FAM186A: variants seen among roughly 807,000 people sequenced by gnomAD.
FAM186A encodes family with sequence similarity 186 member A, also known as protein FAM186A.
FAM186A carries 163 observed loss-of-function variants against 216.8 expected under a neutral mutation model. The observed-to-expected ratio is 0.75, with a 90% confidence interval of 0.66 to 0.86. FAM186A has a LOEUF of 0.86. Among genes scored for constraint, FAM186A ranks in the 40% least tolerant of loss-of-function variants. FAM186A has a pLI of 0.00. For synonymous variants in FAM186A, 805 were observed against 1,025.3 expected (o/e 0.79, Z 4.10); for missense variants, 2,184 against 2,746.2 (o/e 0.80, Z 4.58).
chr12:50,337,197 ATTTTT>A (rs1158231029), intron 4 of FAM186A, among the ~76,000 whole-genome samples: 1 of 146,520 alleles, frequency 6.8e-6, no homozygotes. Context: ...TTTCCTTATC[ATTTTT>A]TCTTATTGAA....
chr12:50,392,445 A>AT (rs1565898896), intron 1 of FAM186A: 1 of 151,264 alleles, frequency 6.6e-6, no homozygotes, highest in African/African-American at 2.4e-5. Context: ...CGCCCGGCTA[A>AT]TTTTTTGTAT....
intron 1 of FAM186A, among the ~76,000 whole-genome samples, chr12:50,376,439 G>A (rs929344018): frequency 1.3e-4 from 20 of 152,180 alleles, no homozygotes; most frequent in African/African-American, 4.8e-4. Flanking sequence ...GGGTAGAGGA[G>A]ACTTGAAGTG....
chr12:50,365,875 G>A, intron 1 of FAM186A: 1 of 762,890 alleles, frequency 1.3e-6, no homozygotes, highest in East Asian at 2.4e-5. Flanking sequence ...CAGGTTTACA[G>A]GAAGAAATAT....
At chr12:50,331,451 A>G (rs577139999) in intron 6 of FAM186A, among the ~76,000 whole-genome samples, 1 of 152,270 alleles carries the variant, frequency 6.6e-6, no homozygotes, top group South Asian at 2.1e-4. Flanking sequence ...CATGTTAGTC[A>G]GGCTGGTCTT....
At chr12:50,368,267 G>C (rs1333598836) in intron 1 of FAM186A, among the ~76,000 whole-genome samples, 1 of 151,960 alleles carries the variant, frequency 6.6e-6, no homozygotes, top group Non-Finnish European at 1.5e-5. Context: ...CCAGCATGGT[G>C]GTGGGCATTT....
chr12:50,336,124 CAA>C (rs55946153), intron 4 of FAM186A, among the ~76,000 whole-genome samples: 3 of 133,406 alleles, frequency 2.2e-5, no homozygotes, highest in Non-Finnish European at 3.1e-5. Context: ...GACTCCATCT[CAA>C]AAAAAAAAAA....
chr12:50,353,893 C>G lies in FAM186A; in HGVS notation c.2939G>C (p.Arg980Thr), dbSNP rs1565886292. The change falls in exon 4 of 8, where the codon AGG becomes ACG. Residue 980 changes from arginine (R) to threonine (T), a missense_variant. Around this residue, in one of 7 missense-constraint regions of FAM186A, gnomAD observed 1,132 missense variants for 1,263.4 expected, o/e 0.90. Transcript: ENST00000327337. ...KPERGLEDLE[R>T]QIKTKDQMQM... is the part of the protein sequence containing the mutation. The stretch of plus-strand genomic sequence containing the variant: ...CATCTGATCCTTTGTTTTGATCTGC[C>G]TTTCGAGGTCCTCTAGCCCTCTCTC... The G allele has an allele frequency of 6.4e-7, 1 of 1,551,994 alleles. No individual in the cohort carries two copies. The highest frequency in any genetic ancestry group is 1.4e-5 in the African/African-American group (1 of 72,990).
intron 5 of FAM186A, among the ~76,000 whole-genome samples, chr12:50,332,263 A>G (rs1834858340): frequency 6.6e-6 from 1 of 152,246 alleles, no homozygotes; most frequent in South Asian, 2.1e-4. Context: ...TTTTCCATAT[A>G]TTAGCTGATT....
chr12:50,342,382 C>A (rs1312125941), intron 4 of FAM186A, among the ~76,000 whole-genome samples: 1 of 151,542 alleles, frequency 6.6e-6, no homozygotes, highest in Non-Finnish European at 1.5e-5. Flanking sequence ...GGATTTATGA[C>A]AGGAATGCAA....
Position 50,331,755 on chromosome 12 carries a change from G to A in FAM186A, c.6763C>T (p.Pro2255Ser). 1.9e-6 allele frequency: 3 copies of A among 1,549,968 alleles called. No homozygotes were observed. The highest frequency in any genetic ancestry group is 2.6e-6 in the Non-Finnish European group (3 of 1,146,496). ...TTTTGAACAAATGTGGTAGAGGCAGGTATCTGCTTTTCTTCGATGATTAAG... is the reference window on the plus strand; with the variant it reads ...TTTTGAACAAATGTGGTAGAGGCAGATATCTGCTTTTCTTCGATGATTAAG... ...IPLIIEEKQIPASTTFVQKPF... is the reference protein window; with the variant it reads ...IPLIIEEKQISASTTFVQKPF... The change falls in exon 6 of 8, where the codon CCT becomes TCT. Residue 2255 changes from proline to serine, a missense_variant. Around this residue, in one of 7 missense-constraint regions of FAM186A, gnomAD observed 721 missense variants for 816.4 expected, o/e 0.88. Transcript: ENST00000327337.
At chr12:50,370,402 G>C (rs1333279180) in intron 1 of FAM186A, among the ~76,000 whole-genome samples, 1 of 152,090 alleles carries the variant, frequency 6.6e-6, no homozygotes, top group African/African-American at 2.4e-5. Flanking sequence ...ATGAAAATAT[G>C]TTCAACGTAA....
rs549188610 is a variant in FAM186A, at chr12:50,355,983, G to T, written c.849C>A (p.Asn283Lys). 2.2e-5 allele frequency: 34 copies of T among 1,551,554 alleles called. No individual in the cohort carries two copies. The East Asian group carries it at 8.1e-4, about 37-fold the overall frequency. The change falls in exon 4 of 8, where the codon AAC becomes AAA. Residue 283 changes from asparagine to lysine, a missense_variant. Asn to Lys is a moderately conservative substitution (Grantham distance 94). Transcript: ENST00000327337. The stretch of plus-strand genomic sequence containing the variant: ...GTGCATACACAGTGGAACTTTGGAA[G>T]TTAACACATTTTAATTCATCATTTA... ...SMLNDELKCV[N>K]FQSSTVYAHE...
rs1198988462 is a variant in FAM186A at position 50,396,495 on chromosome 12, T to C, written c.-11A>G. On this transcript the variant is annotated 5_prime_UTR_variant, in exon 1 of 8. Transcript: ENST00000327337. ...CATTTTGAAGAACATTTTGAAAATG[T>C]GGGTGATTTCGTTTTATTTCTTCTT... The C allele has an allele frequency of 6.5e-7, 1 of 1,532,124 alleles. No homozygotes were observed. Among genetic ancestry groups the C allele is most frequent in the Non-Finnish European group, 8.8e-7 (1 of 1,140,508 alleles). The allele number at this position is 1,532,124 out of a possible 1,614,324, so 94.9% of individuals were successfully genotyped here.
rs60791892 is a variant in FAM186A at position 50,385,563 on chromosome 12, A to G, written c.192+10730T>C. Among the ~76,000 whole-genome samples, 53 of 152,158 alleles carry G rather than the reference A, an allele frequency of 3.5e-4. 1 individual carries two copies. In the East Asian group the frequency reaches 9.5e-3, roughly 27 times the overall value. ...AAAATAGACAAATGGTATTACATCA[A>G]ACTAAAAGGCTTCTTCATGATTTCA... On this transcript the variant is annotated intron_variant, in intron 1 of 7. Transcript: ENST00000327337.
intron 1 of FAM186A, among the ~76,000 whole-genome samples, chr12:50,369,275 G>C (rs1312487759): frequency 6.6e-6 from 1 of 152,060 alleles, no homozygotes; most frequent in South Asian, 2.1e-4. Context: ...CGGATCACGA[G>C]GTCAGGAGAT....
chr12:50,347,209 A>G (rs1217096850), intron 4 of FAM186A, among the ~76,000 whole-genome samples: 1 of 152,154 alleles, frequency 6.6e-6, no homozygotes, highest in Non-Finnish European at 1.5e-5. Context: ...GTGTAAAGGA[A>G]CAACAATCAC....
In FAM186A at chr12:50,356,033, T is replaced by G; in HGVS notation, c.799A>C (p.Asn267His). ...AIKYISSTIV[N>H]LSTALSMLND... ...AGCATACTCAAAGCTGTAGAAAGGT[T>G]TACTATTGTTGATGATATATATTTA... is the stretch of plus-strand genomic sequence containing the variant. Residue 267 changes from asparagine (N) to histidine (H), a missense_variant, in exon 4 of 8, where the codon AAC (asparagine) becomes CAC (histidine). By Grantham distance (68) the Asn-to-His change is moderately conservative. This residue lies in a region of FAM186A where 1,132 missense variants were observed against 1,263.4 expected (regional missense o/e 0.90). Coordinates refer to ENST00000327337, the MANE Select transcript of FAM186A (RefSeq NM_001145475.3). 6.4e-7 allele frequency: 1 copy of G among 1,551,634 alleles called. No homozygotes were observed. The highest frequency in any genetic ancestry group is 8.7e-7 in the Non-Finnish European group (1 of 1,146,966).
At chr12:50,373,930 A>G (rs1246572852) in intron 1 of FAM186A, among the ~76,000 whole-genome samples, 2 of 151,958 alleles carry the variant, frequency 1.3e-5, no homozygotes, top group African/African-American at 4.8e-5. Flanking sequence ...GACTGGATTA[A>G]GAAAATGTGG....
At chr12:50,366,824 G>A (rs900834725) in intron 1 of FAM186A, among the ~76,000 whole-genome samples, 1 of 151,804 alleles carries the variant, frequency 6.6e-6, no homozygotes, top group Non-Finnish European at 1.5e-5. Flanking sequence ...ACCAGCCTGA[G>A]CAACATGGTG....
Sources: allele counts gnomAD v4.1 joint callset (sites outside exome capture counted in the v4.1 genomes callset), GRCh38; gene constraint gnomAD v4.1.1; regional missense constraint gnomAD v4.1.1; transcripts MANE v1.5; gene names NCBI Gene and HGNC (gene_info 2026-07-23, HGNC 2026-07-21).